MTMR3: variants seen among roughly 807,000 people sequenced by gnomAD.
The protein encoded by MTMR3 is phosphatidylinositol-3,5-bisphosphate 3-phosphatase MTMR3.
Under a neutral mutation model 132.4 loss-of-function variants are expected in MTMR3, and 32 were observed. The observed-to-expected ratio is 0.24, with a 90% CI of 0.18 to 0.32. The LOEUF is 0.32. Ranked by LOEUF, MTMR3 falls within the 10% of genes least tolerant of loss-of-function variation. The pLI is 1.00. For missense variants in MTMR3, 1,216 were observed against 1,489.6 expected (o/e 0.82, Z 3.02); for synonymous variants, 556 against 550.3 (o/e 1.01, Z -0.14).
intron 1 of MTMR3, among the ~76,000 whole-genome samples, chr22:29,925,521 A>G (rs2065497981): frequency 6.6e-6 from 1 of 151,870 alleles, no homozygotes; most frequent in South Asian, 2.1e-4. Context: ...AGGAGTAAGA[A>G]TGTAAAAATA....
intron 1 of MTMR3, among the ~76,000 whole-genome samples, chr22:29,898,361 C>T (rs1226441394): frequency 6.6e-6 from 1 of 152,032 alleles, no homozygotes; most frequent in Admixed American, 6.6e-5. Flanking sequence ...GTTTGGGGTA[C>T]AATTGATCAC....
At chr22:30,019,310 C>G (rs1368639520) in intron 16 of MTMR3, 170 bp from the exon 17 acceptor site, 2 of 639,576 alleles carry the variant, frequency 3.1e-6, no homozygotes, top group Non-Finnish European at 5.3e-6. Flanking sequence ...AGGACTTGTT[C>G]CGGAGCTTTG....
intron 1 of MTMR3, among the ~76,000 whole-genome samples, chr22:29,899,029 C>G (rs1270176587): frequency 6.6e-6 from 1 of 150,984 alleles, no homozygotes; most frequent in Non-Finnish European, 1.5e-5. Context: ...CTTGATGGGA[C>G]AAATTTTTCT....
At chr22:29,975,062 G>C (rs2066604832) in intron 3 of MTMR3, among the ~76,000 whole-genome samples, 3 of 152,176 alleles carry the variant, frequency 2.0e-5, no homozygotes, top group Admixed American at 2.0e-4. Flanking sequence ...ATTAGCACTA[G>C]GAGAATGGTT....
chr22:29,982,971 G>GTA (rs1329891319), intron 5 of MTMR3: 2 of 134,510 alleles, frequency 1.5e-5, no homozygotes, highest in African/African-American at 2.6e-5. Flanking sequence ...GTGTGTGTGT[G>GTA]TGTGTATGTG....
intron 1 of MTMR3, among the ~76,000 whole-genome samples, chr22:29,920,323 C>G (rs1288415650): frequency 1.3e-5 from 2 of 151,992 alleles, no homozygotes; most frequent in East Asian, 3.9e-4. Context: ...TATTAGACCA[C>G]TGTATATTAT....
intron 11 of MTMR3, 155 bp downstream of exon 11, chr22:30,008,187 A>G (rs1882635333): frequency 2.1e-6 from 2 of 943,582 alleles, no homozygotes; most frequent in South Asian, 1.8e-5. Context: ...GATTCTTAAC[A>G]CTGTATGTTC....
intron 1 of MTMR3, among the ~76,000 whole-genome samples, chr22:29,924,869 A>G (rs1171866715): frequency 2.0e-5 from 3 of 152,010 alleles, no homozygotes; most frequent in African/African-American, 4.8e-5. Context: ...TTGTTAGTGT[A>G]TATGTATATT....
chr22:29,940,892 A>G (rs775438285), intron 1 of MTMR3, among the ~76,000 whole-genome samples: 1 of 150,120 alleles, frequency 6.7e-6, no homozygotes, highest in Non-Finnish European at 1.5e-5. Flanking sequence ...CCAGGAGTTC[A>G]TATGCATTCC....
chr22:30,001,095 A>G (rs2067162175), intron 8 of MTMR3: 1 of 151,986 alleles, frequency 6.6e-6, no homozygotes, highest in Admixed American at 6.6e-5. Flanking sequence ...TCTACAGAAA[A>G]TTTCTTAAAA....
At chr22:29,896,077 AGGTG>A (rs2064889199) in intron 1 of MTMR3, among the ~76,000 whole-genome samples, 1 of 152,144 alleles carries the variant, frequency 6.6e-6, no homozygotes, top group Non-Finnish European at 1.5e-5. Flanking sequence ...TGGGAGGCGG[AGGTG>A]GGCAGATCAC....
intron 1 of MTMR3, among the ~76,000 whole-genome samples, chr22:29,944,150 G>C (rs896318422): frequency 8.6e-5 from 13 of 151,898 alleles, no homozygotes; most frequent in African/African-American, 3.1e-4. Flanking sequence ...AAGAGCTAGC[G>C]GGGTCTTAAA....
At chr22:30,022,166 G>A (rs2067775588) in intron 18 of MTMR3, 27 bp downstream of exon 18, 2 of 1,569,054 alleles carry the variant, frequency 1.3e-6, no homozygotes, top group East Asian at 4.5e-5. Flanking sequence ...TGCTCTGAGT[G>A]CCATCAATTT....
chr22:29,892,577 G>T (rs1397738196), intron 1 of MTMR3, among the ~76,000 whole-genome samples: 1 of 152,124 alleles, frequency 6.6e-6, no homozygotes, highest in Non-Finnish European at 1.5e-5. Context: ...TCTTGAGTTA[G>T]AATAAGTTGC....
At position 29,884,024 on chromosome 22, in the gene MTMR3, G is replaced by T. The variant is rs115200128; in HGVS notation, c.-138+665G>T. 5.7e-3 allele frequency among the ~76,000 whole-genome samples: 875 copies of T among 152,274 alleles called. 6 individuals carry two copies. Among genetic ancestry groups the T allele is most frequent in the African/African-American group, 0.02 (833 of 41,544 alleles). On this transcript the variant is annotated intron_variant, in intron 1 of 19. Coordinates refer to ENST00000401950, the MANE Select transcript of MTMR3 (RefSeq NM_021090.4). Reference sequence around the variant, plus strand: ...TTTTGCTTGATGTATGGCATTTCCGGACCCATAAGATGATACTGTAGGTTG... The same window carrying T: ...TTTTGCTTGATGTATGGCATTTCCGTACCCATAAGATGATACTGTAGGTTG...
At chr22:29,962,265 T>A (rs2066327040) in intron 2 of MTMR3, among the ~76,000 whole-genome samples, 1 of 152,200 alleles carries the variant, frequency 6.6e-6, no homozygotes, top group Non-Finnish European at 1.5e-5. Flanking sequence ...AACATAAAAT[T>A]CACATACTAT....
intron 10 of MTMR3, 100 bp from the exon 11 acceptor site, chr22:30,007,801 G>A (rs1053299115): frequency 2.8e-6 from 4 of 1,406,522 alleles, no homozygotes; most frequent in Non-Finnish European, 3.9e-6. Flanking sequence ...TCATTTTATT[G>A]AGCCTTTTTT....
intron 1 of MTMR3, among the ~76,000 whole-genome samples, chr22:29,891,454 A>C (rs570607042): frequency 6.6e-6 from 1 of 151,580 alleles, no homozygotes; most frequent in South Asian, 2.1e-4. Flanking sequence ...TTTTTTAGAC[A>C]AGAGTCTTTT....
intron 12 of MTMR3, 71 bp from the exon 13 acceptor site, chr22:30,012,297 G>A: frequency 6.7e-7 from 1 of 1,492,882 alleles, no homozygotes; most frequent in Non-Finnish European, 9.1e-7. Flanking sequence ...TTTTTCATTT[G>A]ACAATCATTG....
Sources: allele counts gnomAD v4.1 joint callset (sites outside exome capture counted in the v4.1 genomes callset), GRCh38; gene constraint gnomAD v4.1.1; transcripts MANE v1.5; gene names NCBI Gene and HGNC (gene_info 2026-07-23, HGNC 2026-07-21).